Variants in GALNT18 observed in about 807,000 individuals in gnomAD.
GALNT18 encodes the protein polypeptide N-acetylgalactosaminyltransferase 18.
Under a neutral mutation model 69.5 loss-of-function variants are expected in GALNT18, and 44 were observed. The ratio of observed to expected loss-of-function variants is 0.63; its 90% CI spans 0.50 to 0.81. The LOEUF (loss-of-function observed/expected upper bound fraction) is 0.81. GALNT18 is among the 40% of genes least tolerant of loss of function. The probability of loss-of-function intolerance (pLI) is 0.00; values close to 1 mark genes in which losing one functional copy is unlikely to be tolerated. For synonymous variants in GALNT18, 364 were observed against 318.2 expected (o/e 1.14, Z -1.53); for missense variants, 715 against 810.0 (o/e 0.88, Z 1.42).
intron 8 of GALNT18, among the ~76,000 whole-genome samples, chr11:11,327,722 CAGG>C (rs1422419326): frequency 5.9e-5 from 9 of 152,194 alleles, no homozygotes; most frequent in Non-Finnish European, 1.2e-4. Context: ...AGGGTGGGAG[CAGG>C]AGAAGAGAGC....
Position 11,382,280 on chromosome 11 carries a change from T to C in GALNT18, c.596-3016A>G, listed in dbSNP as rs938180440. On this transcript the variant is annotated intron_variant, in intron 3 of 10. Transcript: ENST00000227756. This position sits in a 1 kb window ranked among gnomAD's most constrained non-coding sequence, Gnocchi z 4.3. ...AAATGCCTTGAAGTACCCTAGATGATACTGGCTCTGTCTTTGCAAAGTACC... is the reference window on the plus strand; with the variant it reads ...AAATGCCTTGAAGTACCCTAGATGACACTGGCTCTGTCTTTGCAAAGTACC... Among the ~76,000 whole-genome samples, 1 of 152,222 alleles carries C rather than the reference T, an allele frequency of 6.6e-6. No homozygotes were observed. Among genetic ancestry groups the C allele is most frequent in the Non-Finnish European group, 1.5e-5 (1 of 68,030 alleles).
At chr11:11,328,036 G>A (rs1849955123) in intron 8 of GALNT18, among the ~76,000 whole-genome samples, 1 of 152,126 alleles carries the variant, frequency 6.6e-6, no homozygotes, top group African/African-American at 2.4e-5. Context: ...TGATCAGTGG[G>A]TGGTGGCCAC....
Position 11,496,462 on chromosome 11 carries a change from C to T in GALNT18, c.236-47526G>A, listed in dbSNP as rs1856867869. ...TTACCCAGCAGTACATTGCTATCAACTCCAATAATGGGGCATGCTGGAAAA... is the reference window on the plus strand; with the variant it reads ...TTACCCAGCAGTACATTGCTATCAATTCCAATAATGGGGCATGCTGGAAAA... On this transcript the variant is annotated intron_variant, in intron 1 of 10. Transcript: ENST00000227756. The surrounding 1 kb of genome is among the most constrained non-coding windows in gnomAD (Gnocchi z 4.0). Among the ~76,000 whole-genome samples, 1 of 152,222 alleles carries T rather than the reference C, an allele frequency of 6.6e-6. No individual in the cohort carries two copies. The highest frequency in any genetic ancestry group is 1.5e-5 in the Non-Finnish European group (1 of 68,038).
rs997939194 is a variant in GALNT18, at chr11:11,315,003, A to G, written c.1512+12083T>C. ...TAAGATTACATCAACTGACATACTG[A>G]AAGTGTCTAGCAGAGATGGACACAT... On this transcript the variant is annotated intron_variant, in intron 9 of 10. Transcript: ENST00000227756. This position sits in a 1 kb window ranked among gnomAD's most constrained non-coding sequence, Gnocchi z 5.6. Among the ~76,000 whole-genome samples, 14 of 151,954 alleles carry G rather than the reference A, an allele frequency of 9.2e-5. No homozygotes were observed. The highest frequency in any genetic ancestry group is 1.3e-4 in the Admixed American group (2 of 15,258).
Position 11,606,932 on chromosome 11 carries a change from T to C in GALNT18, c.235+14427A>G, listed in dbSNP as rs781345278. Reference sequence around the variant, plus strand: ...TGAGGATGCTGATGTTATTTGCAACTCTAACATGGTCTGATTTTAACTAGA... The same window carrying C: ...TGAGGATGCTGATGTTATTTGCAACCCTAACATGGTCTGATTTTAACTAGA... On this transcript the variant is annotated intron_variant, in intron 1 of 10. Transcript: ENST00000227756. The surrounding 1 kb of genome is among the most constrained non-coding windows in gnomAD (Gnocchi z 5.4). Among the ~76,000 whole-genome samples the C allele has an allele frequency of 2.6e-5, 4 of 152,158 alleles. No homozygotes were observed. The highest frequency in any genetic ancestry group is 5.9e-5 in the Non-Finnish European group (4 of 68,030).
intron 8 of GALNT18, among the ~76,000 whole-genome samples, chr11:11,329,195 G>A (rs1397457765): frequency 2.0e-5 from 3 of 152,206 alleles, no homozygotes; most frequent in African/African-American, 7.2e-5. Flanking sequence ...CAAGTGCTTA[G>A]CATAAGGCCT....
intron 1 of GALNT18, among the ~76,000 whole-genome samples, chr11:11,509,610 G>T (rs559551832): frequency 1.3e-5 from 2 of 152,356 alleles, no homozygotes; most frequent in Admixed American, 6.5e-5. Context: ...TCAATTGTTT[G>T]TGCTCCTTTG....
rs1196030136 is a variant in GALNT18, at chr11:11,593,745, A to AC, written c.235+27613dup. Among the ~76,000 whole-genome samples, 6 of 152,358 alleles carry AC rather than the reference A, an allele frequency of 3.9e-5. No individual in the cohort carries two copies. In the East Asian group the frequency reaches 1.2e-3, roughly 29 times the overall value. ...GGAGTTTGAGACCAGCCTGGGTAACACAGCAAGACCCCATTTCTAACAAAA... is the reference window on the plus strand; with the variant it reads ...GGAGTTTGAGACCAGCCTGGGTAACACCAGCAAGACCCCATTTCTAACAAAA... On this transcript the variant is annotated intron_variant, in intron 1 of 10. Transcript: ENST00000227756.
chr11:11,504,744 C>A (rs1454464454), intron 1 of GALNT18, among the ~76,000 whole-genome samples: 4 of 141,966 alleles, frequency 2.8e-5, no homozygotes, highest in African/African-American at 1.0e-4. Context: ...GGTGACAGAG[C>A]AAGACCCCAT....
chr11:11,276,704 A>G (rs1848956088), intron 10 of GALNT18, among the ~76,000 whole-genome samples: 1 of 151,682 alleles, frequency 6.6e-6, no homozygotes, highest in Non-Finnish European at 1.5e-5. Context: ...TAGTTTATTG[A>G]GAGTGTTTGG....
At chr11:11,577,630 C>T (rs10831644) in intron 1 of GALNT18, among the ~76,000 whole-genome samples, 66,012 of 152,012 alleles carry the variant, frequency 0.43, 14,860 homozygotes, top group East Asian at 0.65. Flanking sequence ...TGAAGAAGCA[C>T]AGAATCCTAG....
At chr11:11,501,883 A>G (rs185459087) in intron 1 of GALNT18, among the ~76,000 whole-genome samples, 4 of 152,350 alleles carry the variant, frequency 2.6e-5, no homozygotes, top group East Asian at 3.9e-4. Flanking sequence ...GACACAGCAC[A>G]GGAAGACACT....
chr11:11,483,250 A>G (rs1181208137), intron 1 of GALNT18, among the ~76,000 whole-genome samples: 1 of 152,054 alleles, frequency 6.6e-6, no homozygotes, highest in East Asian at 1.9e-4. Flanking sequence ...GCTAAAATTC[A>G]GCTCTAGGGC....
chr11:11,359,157 G>A lies in GALNT18; in HGVS notation c.1092+13358C>T, dbSNP rs1357199387. ...AGGTTGCTTTACCCAAAACTGTGGT[G>A]TCCAATGTTTTTAATTAATTTCCTT... On this transcript the variant is annotated intron_variant, in intron 6 of 10. Transcript: ENST00000227756. Among the ~76,000 whole-genome samples the A allele has an allele frequency of 1.4e-5, 2 of 140,064 alleles. 1 individual carries two copies. Among genetic ancestry groups the A allele is most frequent in the Non-Finnish European group, 3.2e-5 (2 of 62,714 alleles). 91.9% of individuals were successfully genotyped at this position (140,064 alleles called of 152,430 possible).
At chr11:11,477,622 C>A (rs59290356) in intron 1 of GALNT18, among the ~76,000 whole-genome samples, 1 of 152,150 alleles carries the variant, frequency 6.6e-6, no homozygotes, top group Admixed American at 6.5e-5. Context: ...GACTACAGAT[C>A]CTCTAGTAGA....
intron 1 of GALNT18, among the ~76,000 whole-genome samples, chr11:11,525,965 A>G (rs555877394): frequency 6.6e-6 from 1 of 152,254 alleles, no homozygotes; most frequent in East Asian, 1.9e-4. Flanking sequence ...TCACTGCAAC[A>G]TGCTAATGGG....
In GALNT18 at chr11:11,505,157, G is replaced by A. The variant is rs1857046660; in HGVS notation, c.236-56221C>T. ...GAAGAATGAGTGGAGTTCAGTAGAT[G>A]AACACAGGGAAAGGATGTTCCAGGC... On this transcript the variant is annotated intron_variant, in intron 1 of 10. Coordinates refer to ENST00000227756, the MANE Select transcript of GALNT18 (RefSeq NM_198516.3). The surrounding 1 kb of genome is among the most constrained non-coding windows in gnomAD (Gnocchi z 4.6). Among the ~76,000 whole-genome samples the A allele has an allele frequency of 6.6e-6, 1 of 152,226 alleles. No homozygotes were observed. The highest frequency in any genetic ancestry group is 1.5e-5 in the Non-Finnish European group (1 of 68,042).
At position 11,413,327 on chromosome 11, in the gene GALNT18, G is replaced by A. The variant is rs1854774604; in HGVS notation, c.595+19294C>T. Reference sequence around the variant, plus strand: ...GGCCCTGGAGGGGAAGCAATAGTCTGGCCAAACATCCCTCTGGAGGTGCAG... The same window carrying A: ...GGCCCTGGAGGGGAAGCAATAGTCTAGCCAAACATCCCTCTGGAGGTGCAG... On this transcript the variant is annotated intron_variant, in intron 3 of 10. Coordinates refer to ENST00000227756, the MANE Select transcript of GALNT18 (RefSeq NM_198516.3). This position sits in a 1 kb window ranked among gnomAD's most constrained non-coding sequence, Gnocchi z 4.7. Among the ~76,000 whole-genome samples the A allele has an allele frequency of 6.6e-6, 1 of 152,154 alleles. No individual in the cohort carries two copies. Among genetic ancestry groups the A allele is most frequent in the South Asian group, 2.1e-4 (1 of 4,822 alleles).
intron 2 of GALNT18, among the ~76,000 whole-genome samples, chr11:11,438,045 T>C (rs1328887175): frequency 1.3e-5 from 2 of 152,194 alleles, no homozygotes; most frequent in Non-Finnish European, 2.9e-5. Context: ...ACTAACCCCC[T>C]GGGACATACA....
Sources: gnomAD v4.1 joint callset for allele counts (sites outside exome capture counted in the v4.1 genomes callset) on GRCh38, gnomAD v4.1.1 for gene constraint, Gnocchi (gnomAD v3.1) non-coding constraint, MANE v1.5 for transcripts, NCBI Gene and HGNC (gene_info 2026-07-23, HGNC 2026-07-21) for gene names.